CACNA1D: variants seen among roughly 807,000 people sequenced by gnomAD.
The protein encoded by CACNA1D is voltage-dependent L-type calcium channel subunit alpha-1D.
CACNA1D carries 55 observed loss-of-function variants against 257.1 expected under a neutral mutation model. That is an observed-to-expected ratio of 0.21 (90% CI 0.17 to 0.27). The LOEUF is 0.27. CACNA1D is among the 10% of genes least tolerant of loss of function. The probability of loss-of-function intolerance (pLI) is 1.00; values close to 1 mark genes in which losing one functional copy is unlikely to be tolerated. For missense variants in CACNA1D, 1,876 were observed against 2,784.0 expected, an observed-to-expected ratio of 0.67 and a Z score of 7.34; for synonymous variants, 980 against 1,014.9, an observed-to-expected ratio of 0.97 and a Z score of 0.65.
intron 3 of CACNA1D, among the ~76,000 whole-genome samples, chr3:53,584,759 C>T (rs781378272): frequency 5.9e-5 from 9 of 152,166 alleles, no homozygotes; most frequent in South Asian, 4.1e-4. Context: ...CTGCAGCTGT[C>T]GTCTTGGGTG....
intron 2 of CACNA1D, among the ~76,000 whole-genome samples, chr3:53,499,417 G>C (rs2090493960): frequency 1.3e-5 from 2 of 152,094 alleles, no homozygotes; most frequent in Admixed American, 1.3e-4. Flanking sequence ...CATCCGCAGT[G>C]GGAGAGCAAG....
At chr3:53,652,485 C>T (rs76709225) in intron 4 of CACNA1D, among the ~76,000 whole-genome samples, 143 of 152,244 alleles carry the variant, frequency 9.4e-4, no homozygotes, top group African/African-American at 3.2e-3. Context: ...TACGCCTACA[C>T]GGAGTTGTGA....
In CACNA1D at chr3:53,673,577, A is replaced by AT; in HGVS notation, c.1220+451_1220+452insT. The AT allele has an allele frequency of 1.6e-6, 1 of 643,742 alleles. No individual in the cohort carries two copies. The highest frequency in any genetic ancestry group is 2.8e-6 in the Non-Finnish European group (1 of 363,244). 39.9% of individuals were successfully genotyped at this position (643,742 alleles called of 1,614,324 possible). On this transcript the variant is annotated intron_variant, in intron 8 of 47. Transcript: ENST00000350061. This position sits in a 1 kb window ranked among gnomAD's most constrained non-coding sequence, Gnocchi z 4.1. The stretch of plus-strand genomic sequence containing the variant: ...CTTATTTGCAGAAAAAAAAAAAAAA[A>AT]GGGAAGGACCTAGGCCCAGTCCCTG...
chr3:53,602,170 G>T (rs950965217), intron 3 of CACNA1D, among the ~76,000 whole-genome samples: 2 of 152,098 alleles, frequency 1.3e-5, no homozygotes, highest in South Asian at 4.1e-4. Flanking sequence ...CTTCATGAGA[G>T]CCACTTTTTT....
At chr3:53,535,252 G>A (rs926609748) in intron 3 of CACNA1D, among the ~76,000 whole-genome samples, 1 of 152,178 alleles carries the variant, frequency 6.6e-6, no homozygotes, top group African/African-American at 2.4e-5. Context: ...TGACGTAAAG[G>A]CAGGCAGGCA....
intron 8 of CACNA1D, among the ~76,000 whole-genome samples, chr3:53,675,969 C>T (rs1301104192): frequency 6.6e-6 from 1 of 152,202 alleles, no homozygotes; most frequent in African/African-American, 2.4e-5. Context: ...AAGGCAGAAC[C>T]ATGTCTGCAA....
Position 53,735,495 on chromosome 3 carries a change from C to G in CACNA1D, c.2743C>G (p.Arg915Gly), listed in dbSNP as rs368864820. ...AEDPIRSHSF[R>G]NTILGYFDYA... Reference sequence around the variant, plus strand: ...GGACCCCATCCGCAGCCACTCCTTCCGGAACACGGTAAGTCCCCAGGGTGG... The same window carrying G: ...GGACCCCATCCGCAGCCACTCCTTCGGGAACACGGTAAGTCCCCAGGGTGG... Residue 915 changes from arginine to glycine, a missense_variant, in exon 20 of 48, where the codon CGG becomes GGG. By Grantham distance (125) the Arg-to-Gly change is moderately radical (BLOSUM62 -2). Around this residue, in one of 10 missense-constraint regions of CACNA1D, gnomAD observed 271 missense variants for 425.5 expected, o/e 0.64. Coordinates refer to ENST00000350061, the MANE Select transcript of CACNA1D (RefSeq NM_001128840.3). 6.2e-7 allele frequency: 1 copy of G among 1,614,110 alleles called. No homozygotes were observed.
rs9869321 is a variant in CACNA1D, at chr3:53,702,202, G to A, written c.1221-439G>A. Among the ~76,000 whole-genome samples the A allele has an allele frequency of 5.4e-3, 825 of 152,304 alleles. 12 individuals carry two copies. Among genetic ancestry groups the A allele is most frequent in the African/African-American group, 0.019 (783 of 41,570 alleles). On this transcript the variant is annotated intron_variant, in intron 8 of 47. Transcript: ENST00000350061. ...ATATTAATGCAAAGTTTGTCCAAAA[G>A]CATTGAAGAAGTTCTAAACTTGGTA...
chr3:53,626,185 C>T (rs2093756565), intron 3 of CACNA1D, among the ~76,000 whole-genome samples: 1 of 152,138 alleles, frequency 6.6e-6, no homozygotes, highest in Admixed American at 6.5e-5. Flanking sequence ...TGTAGTGTGG[C>T]AGGTTGAGTT....
At chr3:53,591,597 A>G (rs558700336) in intron 3 of CACNA1D, among the ~76,000 whole-genome samples, 2 of 152,256 alleles carry the variant, frequency 1.3e-5, no homozygotes, top group Admixed American at 6.5e-5. Context: ...CCTTCAGGAT[A>G]TGTCTCCGGA....
intron 8 of CACNA1D, among the ~76,000 whole-genome samples, chr3:53,697,573 A>G (rs940878369): frequency 6.6e-6 from 1 of 152,174 alleles, no homozygotes; most frequent in East Asian, 1.9e-4. Context: ...TCTATTTGGA[A>G]ATAATTTCAA....
At chr3:53,638,325 CCAGGG>C (rs2108177412) in intron 3 of CACNA1D, among the ~76,000 whole-genome samples, 1 of 152,310 alleles carries the variant, frequency 6.6e-6, no homozygotes, top group Admixed American at 6.5e-5. Context: ...CAGCCCTAAG[CCAGGG>C]CAGGGCCTCC....
chr3:53,810,041 C>T lies in CACNA1D; in HGVS notation c.5935C>T (p.Arg1979Trp), dbSNP rs777154919. The change falls in exon 47 of 48, where the codon CGG becomes TGG. Residue 1979 changes from arginine to tryptophan, a missense_variant. Physicochemically the swap from Arg to Trp is moderately radical, Grantham distance 101 (BLOSUM62 -3). Transcript: ENST00000350061. Reference sequence around the variant, plus strand: ...GAAGTACTCACCGAGTCACTCGACCCGGTCGTGGGCCACCCCTCCAGCAAC... The same window carrying T: ...GAAGTACTCACCGAGTCACTCGACCTGGTCGTGGGCCACCCCTCCAGCAAC... ...AQKYSPSHST[R>W]SWATPPATPP... 1.5e-5 allele frequency: 25 copies of T among 1,613,896 alleles called. No individual in the cohort carries two copies. Among genetic ancestry groups the T allele is most frequent in the South Asian group, 6.6e-5 (6 of 91,090 alleles).
chr3:53,528,407 T>G (rs1444075438), intron 3 of CACNA1D, among the ~76,000 whole-genome samples: 1 of 152,230 alleles, frequency 6.6e-6, no homozygotes, highest in African/African-American at 2.4e-5. Context: ...ATGCTATCTC[T>G]GTACTGTTAT....
intron 3 of CACNA1D, among the ~76,000 whole-genome samples, chr3:53,607,254 C>A (rs1011238168): frequency 1.3e-5 from 2 of 152,166 alleles, no homozygotes; most frequent in Non-Finnish European, 2.9e-5. Context: ...TTGATGCTCC[C>A]TGGTGATACA....
intron 3 of CACNA1D, among the ~76,000 whole-genome samples, chr3:53,608,047 A>G (rs958188192): frequency 6.6e-6 from 1 of 152,172 alleles, no homozygotes; most frequent in Non-Finnish European, 1.5e-5. Flanking sequence ...AGCCCTGTTT[A>G]GATTTTGATT....
At chr3:53,550,917 C>G (rs921470806) in intron 3 of CACNA1D, among the ~76,000 whole-genome samples, 15 of 152,140 alleles carry the variant, frequency 9.9e-5, no homozygotes, top group African/African-American at 3.4e-4. Flanking sequence ...TCAGCTCCCT[C>G]TGAAATAAAT....
chr3:53,806,868 T>A (rs1343546094), intron 45 of CACNA1D, among the ~76,000 whole-genome samples: 1 of 152,122 alleles, frequency 6.6e-6, no homozygotes, highest in East Asian at 1.9e-4. Context: ...GGCCGGGTGA[T>A]GGCCCTCGCC....
chr3:53,674,046 AAGCCAGTTGTGTT>A, intron 8 of CACNA1D: 1 of 605,204 alleles, frequency 1.7e-6, no homozygotes, highest in Non-Finnish European at 3.0e-6. Flanking sequence ...CGTTCCCCCA[AAGCCAGTTGTGTT>A]AGTATGTGAA....
Sources: gnomAD v4.1 joint callset for allele counts (sites outside exome capture counted in the v4.1 genomes callset) on GRCh38, gnomAD v4.1.1 for gene constraint, gnomAD v4.1.1 regional missense constraint, Gnocchi (gnomAD v3.1) non-coding constraint, MANE v1.5 for transcripts, NCBI Gene and HGNC (gene_info 2026-07-23, HGNC 2026-07-21) for gene names.